Variants in SBF2 observed in about 807,000 individuals in gnomAD.
The protein encoded by SBF2 is SET binding factor 2.
In SBF2, 112 loss-of-function variants were observed where a neutral mutation model predicts 225.2. The ratio of observed to expected loss-of-function variants is 0.50; its 90% CI spans 0.43 to 0.58. The LOEUF is 0.58. SBF2 is among the 20% of genes least tolerant of loss of function. SBF2 has a pLI of 0.00. For missense variants in SBF2, 1,996 were observed against 2,206.2 expected, an observed-to-expected ratio of 0.90 and a Z score of 1.91; for synonymous variants, 763 against 773.3, an observed-to-expected ratio of 0.99 and a Z score of 0.22.
chr11:10,264,759 G>A (rs1961804049), intron 1 of SBF2, among the ~76,000 whole-genome samples: 1 of 141,196 alleles, frequency 7.1e-6, no homozygotes, highest in Non-Finnish European at 1.5e-5. Flanking sequence ...GACAGGCCCT[G>A]GTGTGTGATG....
intron 16 of SBF2, among the ~76,000 whole-genome samples, chr11:9,933,704 G>T (rs2134267945): frequency 6.6e-6 from 1 of 152,298 alleles, no homozygotes; most frequent in Middle Eastern, 3.4e-3. Flanking sequence ...ACAAGAGAAA[G>T]CAGGGAAGAT....
chr11:9,927,523 C>A (rs1018991375), intron 16 of SBF2, among the ~76,000 whole-genome samples: 1 of 152,038 alleles, frequency 6.6e-6, no homozygotes, highest in Non-Finnish European at 1.5e-5. Context: ...TCACTGGAGT[C>A]AGTCTGGGCA....
At chr11:10,186,595 T>C (rs1194048878) in intron 2 of SBF2, among the ~76,000 whole-genome samples, 1 of 152,192 alleles carries the variant, frequency 6.6e-6, no homozygotes, top group Non-Finnish European at 1.5e-5. Context: ...AGCCCTGTTA[T>C]CTAGGGGTTT....
intron 16 of SBF2, among the ~76,000 whole-genome samples, chr11:9,951,210 T>C (rs1223850677): frequency 6.6e-6 from 1 of 152,132 alleles, no homozygotes; most frequent in African/African-American, 2.4e-5. Flanking sequence ...GTGTAAGGCC[T>C]GGGGACTGAC....
At chr11:9,939,208 G>A (rs988668216) in intron 16 of SBF2, among the ~76,000 whole-genome samples, 2 of 152,118 alleles carry the variant, frequency 1.3e-5, no homozygotes, top group African/African-American at 4.8e-5. Context: ...CGAGTCTCCT[G>A]CCTCAGCCTT....
intron 2 of SBF2, among the ~76,000 whole-genome samples, chr11:10,053,477 C>A (rs1950132610): frequency 6.6e-6 from 1 of 152,016 alleles, no homozygotes; most frequent in African/African-American, 2.4e-5. Context: ...ATATTCTGAC[C>A]AAAGAAGAAC....
At chr11:9,852,840 A>G in intron 20 of SBF2, 91 bp from the exon 21 acceptor site, 1 of 995,804 alleles carries the variant, frequency 1.0e-6, no homozygotes, top group Non-Finnish European at 1.6e-6. Flanking sequence ...AGTTAATTAC[A>G]GTTTACTGGT....
At chr11:10,284,555 G>C (rs773357175) in intron 1 of SBF2, among the ~76,000 whole-genome samples, 3 of 151,860 alleles carry the variant, frequency 2.0e-5, no homozygotes, top group Non-Finnish European at 2.9e-5. Flanking sequence ...CTTTTTTCCA[G>C]TTTGTAAAAG....
intron 2 of SBF2, among the ~76,000 whole-genome samples, chr11:10,144,176 G>A (rs896939661): frequency 4.6e-5 from 7 of 151,950 alleles, no homozygotes; most frequent in Non-Finnish European, 7.4e-5. Context: ...AATTTTTAGC[G>A]CCCTATTTAG....
chr11:10,249,092 T>C (rs1960083134), intron 1 of SBF2, among the ~76,000 whole-genome samples: 1 of 149,078 alleles, frequency 6.7e-6, no homozygotes, highest in African/African-American at 2.5e-5. Context: ...CAAGACTCCG[T>C]CTCAACAAAA....
intron 1 of SBF2, among the ~76,000 whole-genome samples, chr11:10,239,505 C>T (rs1299403571): frequency 3.3e-5 from 5 of 150,604 alleles, no homozygotes; most frequent in African/African-American, 1.2e-4. Flanking sequence ...TAATACTCTA[C>T]TAGTAAGTGA....
At position 10,080,177 on chromosome 11, in the gene SBF2, G is replaced by T. The variant is rs570554809; in HGVS notation, c.142-37196C>A. ...GCAGGAGAATTGCTTGAACCCGGGA[G>T]GCAGAGGTTGCAGTGAGCCGAGGTC... On this transcript the variant is annotated intron_variant, in intron 2 of 39. Transcript: ENST00000256190. Among the ~76,000 whole-genome samples the T allele has an allele frequency of 2.0e-5, 3 of 149,688 alleles. No individual in the cohort carries two copies. The East Asian group carries it at 5.9e-4, about 29-fold the overall frequency.
intron 1 of SBF2, among the ~76,000 whole-genome samples, chr11:10,214,484 G>A (rs368782640): frequency 3.3e-5 from 5 of 152,122 alleles, no homozygotes; most frequent in East Asian, 1.9e-4. Flanking sequence ...TTAGCCAAGC[G>A]TGGTGGCACG....
At chr11:10,293,939 C>T in intron 1 of SBF2, 76 bp downstream of exon 1, 1 of 1,137,190 alleles carries the variant, frequency 8.8e-7, no homozygotes, top group African/African-American at 1.6e-5. Context: ...GTCCCCGACG[C>T]CCGGCCCCGC....
chr11:10,133,584 G>T (rs909137117), intron 2 of SBF2, among the ~76,000 whole-genome samples: 1 of 139,686 alleles, frequency 7.2e-6, no homozygotes, highest in African/African-American at 2.5e-5. Context: ...CAGCAGGGCT[G>T]CCTGGCTGCT....
intron 2 of SBF2, among the ~76,000 whole-genome samples, chr11:10,166,066 C>T (rs1251868336): frequency 6.6e-6 from 1 of 152,122 alleles, no homozygotes; most frequent in Non-Finnish European, 1.5e-5. Context: ...AAGGGCATTG[C>T]CACATTGGTT....
intron 26 of SBF2, among the ~76,000 whole-genome samples, chr11:9,833,774 C>T (rs1855560752): frequency 4.7e-5 from 6 of 127,668 alleles, no homozygotes; most frequent in Non-Finnish European, 6.4e-5. Flanking sequence ...TCATGCTATC[C>T]TTTTTTTTTT....
chr11:9,899,415 G>T (rs1423771502), intron 16 of SBF2, among the ~76,000 whole-genome samples: 1 of 150,274 alleles, frequency 6.7e-6, no homozygotes, highest in Admixed American at 6.7e-5. Context: ...GAGATGGGAG[G>T]ATCGCTTGAG....
At chr11:10,304,208 T>C (rs1964626989) in intron 1 of SBF2, among the ~76,000 whole-genome samples, 1 of 152,152 alleles carries the variant, frequency 6.6e-6, no homozygotes, top group African/African-American at 2.4e-5. Context: ...TGGTAAACTG[T>C]AAAATGATTA....
Sources: allele counts gnomAD v4.1 joint callset (sites outside exome capture counted in the v4.1 genomes callset), GRCh38; gene constraint gnomAD v4.1.1; transcripts MANE v1.5; gene names NCBI Gene and HGNC (gene_info 2026-07-23, HGNC 2026-07-21).